The following ANKRD13A variants were observed in gnomAD, a reference collection of about 807,000 sequenced individuals.
ANKRD13A encodes ankyrin repeat domain-containing protein 13A.
A neutral mutation model predicts 81.3 loss-of-function variants in ANKRD13A; 48 were observed. The ratio of observed to expected loss-of-function variants is 0.59; its 90% confidence interval spans 0.47 to 0.75. ANKRD13A has a LOEUF of 0.75. Among genes scored for constraint, ANKRD13A ranks in the 30% least tolerant of loss-of-function variants. ANKRD13A has a pLI of 0.00. For missense variants in ANKRD13A, 612 were observed against 734.0 expected, an observed-to-expected ratio of 0.83 and a Z score of 1.92; for synonymous variants, 230 against 270.1, an observed-to-expected ratio of 0.85 and a Z score of 1.45.
At chr12:110,005,420 T>C (rs184958983) in intron 1 of ANKRD13A, among the ~76,000 whole-genome samples, 1 of 152,340 alleles carries the variant, frequency 6.6e-6, no homozygotes, top group Non-Finnish European at 1.5e-5. Flanking sequence ...TGTTAGCCAC[T>C]GCACCCACCC....
chr12:110,028,927 A>G lies in ANKRD13A; in HGVS notation c.1076+285A>G, dbSNP rs185229729. 7.1e-3 allele frequency: 2,149 copies of G among 301,010 alleles called. 6 individuals carry two copies. Among genetic ancestry groups the G allele is most frequent in the Non-Finnish European group, 9.2e-3 (1,432 of 155,376 alleles). 18.6% of individuals were successfully genotyped at this position (301,010 alleles called of 1,614,324 possible). On this transcript the variant is annotated intron_variant, in intron 10 of 14. Coordinates refer to ENST00000261739, the MANE Select transcript of ANKRD13A (RefSeq NM_033121.2). ...TAATTTTTGTATTTTTAGTAGAGAT[A>G]GGGTTTCACCATATTGGTCAGGCTG...
chr12:110,037,263 AGT>A, intron 14 of ANKRD13A, 94 bp from the exon 15 acceptor site: 1 of 1,230,364 alleles, frequency 8.1e-7, no homozygotes, highest in Non-Finnish European at 1.2e-6. Context: ...TGCCTGGCAC[AGT>A]GTGCCCTTGG....
chr12:110,009,887 C>T (rs1167386180), intron 1 of ANKRD13A, among the ~76,000 whole-genome samples: 4 of 152,164 alleles, frequency 2.6e-5, no homozygotes, highest in African/African-American at 4.8e-5. Flanking sequence ...GTTTTTGAGA[C>T]GGAGTCTCGC....
rs918209880 is a variant in ANKRD13A, at chr12:110,037,723, A to G, written c.*169A>G. On this transcript the variant is annotated 3_prime_UTR_variant, in exon 15 of 15. Coordinates refer to ENST00000261739, the MANE Select transcript of ANKRD13A (RefSeq NM_033121.2). ...GAACCAGGGACTCCTGGGCCCATCC[A>G]GGCTGCTCCCTGGGGTGGAGAAGGG... 3.2e-6 allele frequency: 2 copies of G among 631,980 alleles called. No homozygotes were observed. The highest frequency in any genetic ancestry group is 3.2e-5 in the Admixed American group (1 of 30,908). 39.1% of individuals were successfully genotyped at this position (631,980 alleles called of 1,614,324 possible).
rs1363982800 is a variant in ANKRD13A at position 110,039,759 on chromosome 12, G to C, written c.*2205G>C. On this transcript the variant is annotated 3_prime_UTR_variant, in exon 15 of 15. Coordinates refer to ENST00000261739, the MANE Select transcript of ANKRD13A (RefSeq NM_033121.2). ...GCTATCCCTTGAAGCCAACTGCTTT[G>C]TGAGGCTGTTCCTAGAAGTCCAGAT... 6.6e-6 allele frequency: 1 copy of C among 152,228 alleles called. No individual in the cohort carries two copies. The highest frequency in any genetic ancestry group is 1.9e-4 in the East Asian group (1 of 5,202). The allele number at this position is 152,228 out of a possible 1,614,324, so 9.4% of individuals were successfully genotyped here.
intron 1 of ANKRD13A, among the ~76,000 whole-genome samples, chr12:110,007,373 G>T (rs932708694): frequency 1.3e-5 from 2 of 151,564 alleles, no homozygotes; most frequent in African/African-American, 4.8e-5. Context: ...ATTTTTTGAG[G>T]TTTTTTTTGT....
chr12:109,999,921 C>A lies in ANKRD13A; in HGVS notation c.96+137C>A. On this transcript the variant is annotated intron_variant, in intron 1 of 14. Coordinates refer to ENST00000261739, the MANE Select transcript of ANKRD13A (RefSeq NM_033121.2). The surrounding 1 kb of genome is among the most constrained non-coding windows in gnomAD (Gnocchi z 4.3). The stretch of plus-strand genomic sequence containing the variant: ...TTCCACTTTGCAGGTGTGGGACAGT[C>A]CTAATAATAGGACACGTATCGAGTG... The A allele has an allele frequency of 1.5e-6, 1 of 670,800 alleles. No homozygotes were observed. Among genetic ancestry groups the A allele is most frequent in the Non-Finnish European group, 2.3e-6 (1 of 434,076 alleles). The allele number at this position is 670,800 out of a possible 1,614,324, so 41.6% of individuals were successfully genotyped here.
intron 10 of ANKRD13A, 100 bp downstream of exon 10, chr12:110,028,742 C>T (rs1891498396): frequency 1.3e-6 from 2 of 1,515,268 alleles, no homozygotes; most frequent in Non-Finnish European, 1.8e-6. Context: ...TCCCCACCAC[C>T]CTTATTTTTT....
At chr12:110,033,131 GCAAGC>G (rs1891798801) in intron 12 of ANKRD13A, among the ~76,000 whole-genome samples, 2 of 146,674 alleles carry the variant, frequency 1.4e-5, no homozygotes, top group Admixed American at 7.0e-5. Context: ...TTGGCTCACT[GCAAGC>G]TCCGCCTCCC....
At chr12:110,006,121 G>A (rs1890231360) in intron 1 of ANKRD13A, among the ~76,000 whole-genome samples, 1 of 152,094 alleles carries the variant, frequency 6.6e-6, no homozygotes, top group African/African-American at 2.4e-5. Context: ...CCAGCCCCAT[G>A]TATAAGTTTT....
At position 110,038,773 on chromosome 12, in the gene ANKRD13A, T is replaced by G. The variant is rs1892204877; in HGVS notation, c.*1219T>G. On this transcript the variant is annotated 3_prime_UTR_variant, in exon 15 of 15. Transcript: ENST00000261739. ...ATACCTTTAGTAGTTAACTCTCTTT[T>G]GTCAAACCCTCTTGTATATAACCAT... The G allele has an allele frequency of 6.6e-6, 1 of 152,376 alleles. No homozygotes were observed. 9.4% of individuals were successfully genotyped at this position (152,376 alleles called of 1,614,324 possible).
chr12:110,014,845 G>A (rs558351778), intron 3 of ANKRD13A, among the ~76,000 whole-genome samples: 2 of 148,562 alleles, frequency 1.3e-5, no homozygotes, highest in East Asian at 2.0e-4. Context: ...GTGCAGTGGC[G>A]CGATCTTGGT....
intron 12 of ANKRD13A, among the ~76,000 whole-genome samples, chr12:110,033,178 C>T (rs537938710): frequency 1.7e-4 from 26 of 151,030 alleles, no homozygotes; most frequent in African/African-American, 6.3e-4. Flanking sequence ...CTCAGCCTCC[C>T]GAGTAGCTGG....
intron 1 of ANKRD13A, among the ~76,000 whole-genome samples, chr12:110,001,506 C>G (rs1889976437): frequency 6.7e-6 from 1 of 150,334 alleles, no homozygotes; most frequent in Admixed American, 6.7e-5. Flanking sequence ...GTGGCGCGAT[C>G]TCAGGTCACT....
chr12:110,025,964 C>CTTT (rs748271339), intron 8 of ANKRD13A, 141 bp downstream of exon 8: 58 of 505,214 alleles, frequency 1.1e-4, no homozygotes, highest in South Asian at 3.1e-4. Context: ...CTCTCTCTCT[C>CTTT]TTTTTTTTTT....
intron 3 of ANKRD13A, 36 bp from the exon 4 acceptor site, chr12:110,016,352 A>C: frequency 6.5e-7 from 1 of 1,534,636 alleles, no homozygotes; most frequent in East Asian, 2.3e-5. Context: ...GATAGTGCCA[A>C]GGGTAATCTG....
chr12:110,036,180 C>A lies in ANKRD13A; in HGVS notation c.1510-81C>A. On this transcript the variant is annotated intron_variant, in intron 13 of 14. Transcript: ENST00000261739. The surrounding 1 kb of genome is among the most constrained non-coding windows in gnomAD (Gnocchi z 4.6). ...TCATGGAAAGACTTTTAATTTGGTT[C>A]TTGCTGCCATCGTTTCCTTACCAGA... 1.5e-6 allele frequency: 2 copies of A among 1,304,376 alleles called. No homozygotes were observed. Among genetic ancestry groups the A allele is most frequent in the Non-Finnish European group, 2.2e-6 (2 of 899,636 alleles). 80.8% of individuals were successfully genotyped at this position (1,304,376 alleles called of 1,614,324 possible).
At chr12:110,007,526 A>G (rs1456508116) in intron 1 of ANKRD13A, among the ~76,000 whole-genome samples, 3 of 152,000 alleles carry the variant, frequency 2.0e-5, no homozygotes, top group Non-Finnish European at 4.4e-5. Context: ...GATTACAGAC[A>G]TGTGCCACCA....
intron 1 of ANKRD13A, among the ~76,000 whole-genome samples, chr12:110,000,634 A>G (rs1173566190): frequency 6.6e-6 from 1 of 151,962 alleles, no homozygotes; most frequent in Non-Finnish European, 1.5e-5. Context: ...TAGTGGGTAG[A>G]GGCCGGTTAT....
Sources: allele counts gnomAD v4.1 joint callset (sites outside exome capture counted in the v4.1 genomes callset), GRCh38; gene constraint gnomAD v4.1.1; non-coding constraint Gnocchi (gnomAD v3.1); transcripts MANE v1.5; gene names NCBI Gene and HGNC (gene_info 2026-07-23, HGNC 2026-07-21).